FRMPD3: variants seen among roughly 807,000 people sequenced by gnomAD.
FRMPD3 encodes FERM and PDZ domain-containing protein 3.
A neutral mutation model predicts 97.9 loss-of-function variants in FRMPD3; 42 were observed. The ratio of observed to expected loss-of-function variants is 0.43; its 90% CI spans 0.34 to 0.55. The LOEUF is 0.55. FRMPD3 is among the 20% of genes least tolerant of loss of function. The pLI is 0.03. For missense variants in FRMPD3, 1,303 were observed against 1,457.7 expected (o/e 0.89, Z 1.73); for synonymous variants, 577 against 581.1 (o/e 0.99, Z 0.10).
At chrX:107,468,695 T>C (rs1931617814) in intron 1 of FRMPD3, among the ~76,000 whole-genome samples, 1 of 112,053 alleles carries the variant, frequency 8.9e-6, no homozygotes, top group Admixed American at 9.4e-5. Context: ...ATAAGAAAAA[T>C]GTGGGCAGGA....
intron 13 of FRMPD3, among the ~76,000 whole-genome samples, chrX:107,585,893 C>T (rs1923621727): frequency 8.9e-6 from 1 of 111,935 alleles, no homozygotes; most frequent in Non-Finnish European, 1.9e-5. Flanking sequence ...GGATATTGGC[C>T]TGAAGTTTTG....
intron 4 of FRMPD3, among the ~76,000 whole-genome samples, chrX:107,543,038 C>G (rs962586880): frequency 3.6e-5 from 4 of 111,997 alleles, no homozygotes; most frequent in Non-Finnish European, 7.5e-5. Flanking sequence ...CTTTTCAACT[C>G]CATCAGTACC....
intron 1 of FRMPD3, among the ~76,000 whole-genome samples, chrX:107,511,352 G>A (rs765113348): frequency 1.8e-5 from 2 of 112,150 alleles, no homozygotes; most frequent in Non-Finnish European, 1.9e-5. Context: ...GCTCAAATCT[G>A]GCCCTTCCTG....
intron 1 of FRMPD3, among the ~76,000 whole-genome samples, chrX:107,506,619 G>A (rs377184453): frequency 8.9e-6 from 1 of 112,532 alleles, no homozygotes; most frequent in East Asian, 2.8e-4. Flanking sequence ...GCATATCTAT[G>A]TCCTCCCAGC....
intron 1 of FRMPD3, among the ~76,000 whole-genome samples, chrX:107,461,335 G>A (rs754779798): frequency 1.1e-3 from 128 of 111,449 alleles, no homozygotes; most frequent in African/African-American, 3.9e-3. Flanking sequence ...TCAGCAGGCT[G>A]TATCTCTCTA....
chrX:107,557,584 A>G (rs1922130865), intron 8 of FRMPD3, among the ~76,000 whole-genome samples: 1 of 104,372 alleles, frequency 9.6e-6, no homozygotes, highest in Admixed American at 1.1e-4. Flanking sequence ...TAGATGTTTT[A>G]TCATTTACAG....
chrX:107,584,801 A>G (rs1221162731), intron 13 of FRMPD3, among the ~76,000 whole-genome samples: 1 of 111,555 alleles, frequency 9.0e-6, no homozygotes, highest in Admixed American at 9.5e-5. Context: ...CCACTTGTCT[A>G]TATGTCTGTT....
rs148938158 is a variant in FRMPD3 at position 107,554,194 on chromosome X, T to C, written c.643-191T>C. On this transcript the variant is annotated intron_variant, in intron 7 of 14. Transcript: ENST00000683843. Reference sequence around the variant, plus strand: ...TTCCTCTTATTTTGGGTCAGAAGTGTAGAAAAGACCTGACTCCTCACTACT... The same window carrying C: ...TTCCTCTTATTTTGGGTCAGAAGTGCAGAAAAGACCTGACTCCTCACTACT... Among the ~76,000 whole-genome samples the C allele has an allele frequency of 3.4e-4, 38 of 111,029 alleles. 1 individual carries two copies. The East Asian group carries it at 0.011, about 31-fold the overall frequency.
chrX:107,551,213 AT>A (rs1198996526), intron 6 of FRMPD3, among the ~76,000 whole-genome samples: 1 of 110,918 alleles, frequency 9.0e-6, no homozygotes, highest in Non-Finnish European at 1.9e-5. Context: ...TGAATGGAGA[AT>A]TTTTTTGAAA....
At chrX:107,576,575 GC>G in intron 13 of FRMPD3, 116 bp downstream of exon 13, 1 of 832,738 alleles carries the variant, frequency 1.2e-6, no homozygotes, top group Non-Finnish European at 1.7e-6. Context: ...TGCCTGATTT[GC>G]CAGGAGCCAA....
intron 1 of FRMPD3, among the ~76,000 whole-genome samples, chrX:107,465,295 A>G (rs1931538739): frequency 9.1e-6 from 1 of 110,426 alleles, no homozygotes; most frequent in African/African-American, 3.3e-5. Flanking sequence ...AATGTGACAA[A>G]ACCCCTCTCT....
chrX:107,592,965 A>T (rs921276136), intron 13 of FRMPD3, among the ~76,000 whole-genome samples: 1 of 109,287 alleles, frequency 9.2e-6, no homozygotes, highest in Non-Finnish European at 1.9e-5. Context: ...TTTAGTAGAG[A>T]CGGAGTTTCA....
chrX:107,603,246 A>C lies in FRMPD3; in HGVS notation c.5207A>C (p.Gln1736Pro). The C allele has an allele frequency of 1.3e-5, 15 of 1,166,329 alleles. No individual in the cohort carries two copies. The highest frequency in any genetic ancestry group is 1.6e-5 in the Non-Finnish European group (14 of 871,928). ...CAACAACAACAGCAGCAGCAACAAC[A>C]ACAGCAGCAGCAGCAGCAGCAGGTG... ...QQQQQQQQQQ[Q>P]QQQQQQQVAA... The change falls in exon 15 of 15, where the codon CAA (glutamine) becomes CCA (proline). Residue 1736 changes from glutamine to proline, a missense_variant. This residue lies in a region of FRMPD3 where 764 missense variants were observed against 820.2 expected (regional missense o/e 0.93). Coordinates refer to ENST00000683843, the MANE Select transcript of FRMPD3 (RefSeq NM_001388459.1).
At chrX:107,497,729 C>T (rs1303668648) in intron 1 of FRMPD3, among the ~76,000 whole-genome samples, 1 of 112,415 alleles carries the variant, frequency 8.9e-6, no homozygotes, top group African/African-American at 3.2e-5. Context: ...ATTCTTACAA[C>T]CAGAATGCTC....
intron 4 of FRMPD3, among the ~76,000 whole-genome samples, chrX:107,543,698 C>A (rs1484193422): frequency 1.8e-5 from 2 of 109,600 alleles, no homozygotes; most frequent in African/African-American, 6.7e-5. Flanking sequence ...TGCCTGTAAT[C>A]CCAGCTACTC....
intron 12 of FRMPD3, among the ~76,000 whole-genome samples, chrX:107,567,938 T>C (rs1922680749): frequency 1.8e-5 from 2 of 110,568 alleles, no homozygotes; most frequent in African/African-American, 3.3e-5. Flanking sequence ...AAAGAGGAGA[T>C]GTGAAATATG....
chrX:107,477,763 G>A (rs1381850936), intron 1 of FRMPD3, among the ~76,000 whole-genome samples: 1 of 112,009 alleles, frequency 8.9e-6, no homozygotes, highest in Non-Finnish European at 1.9e-5. Context: ...CCCTGGAGAG[G>A]GGGACTGAGT....
intron 1 of FRMPD3, among the ~76,000 whole-genome samples, chrX:107,510,836 C>A (rs919589482): frequency 3.6e-5 from 4 of 111,842 alleles, no homozygotes; most frequent in Admixed American, 9.5e-5. Flanking sequence ...GGCTTTTTGG[C>A]CTAATTTTTG....
At chrX:107,492,164 G>C (rs1921674650) in intron 1 of FRMPD3, among the ~76,000 whole-genome samples, 1 of 111,956 alleles carries the variant, frequency 8.9e-6, no homozygotes, top group African/African-American at 3.3e-5. Context: ...GCCACATTAA[G>C]GTTGTAAAGC....
Sources: gnomAD v4.1 joint callset for allele counts (sites outside exome capture counted in the v4.1 genomes callset) on GRCh38, gnomAD v4.1.1 for gene constraint, gnomAD v4.1.1 regional missense constraint, MANE v1.5 for transcripts, NCBI Gene and HGNC (gene_info 2026-07-23, HGNC 2026-07-21) for gene names.